The following MAGI2 variants were observed in gnomAD, a reference collection of about 807,000 sequenced individuals.
MAGI2 encodes membrane-associated guanylate kinase, WW and PDZ domain-containing protein 2.
Under a neutral mutation model 133.3 loss-of-function variants are expected in MAGI2, and 35 were observed. The ratio of observed to expected loss-of-function variants is 0.26; its 90% CI spans 0.20 to 0.35. MAGI2 has a LOEUF of 0.35. Among genes scored for constraint, MAGI2 ranks in the 10% least tolerant of loss-of-function variants. The probability of loss-of-function intolerance (pLI) is 1.00; values close to 1 mark genes in which losing one functional copy is unlikely to be tolerated. For synonymous variants in MAGI2, 729 were observed against 710.6 expected, an observed-to-expected ratio of 1.03 and a Z score of -0.41; for missense variants, 1,636 against 1,863.4, an observed-to-expected ratio of 0.88 and a Z score of 2.25.
chr7:79,158,230 CAT>C (rs1395038152), intron 1 of MAGI2, among the ~76,000 whole-genome samples: 3 of 151,828 alleles, frequency 2.0e-5, no homozygotes, highest in Admixed American at 6.6e-5. Context: ...AAAATCATAA[CAT>C]GTACTTCTAT....
chr7:79,018,004 A>C (rs1808908971), intron 1 of MAGI2, among the ~76,000 whole-genome samples: 1 of 152,182 alleles, frequency 6.6e-6, no homozygotes, highest in Non-Finnish European at 1.5e-5. Flanking sequence ...CAACTTGGAA[A>C]ACATATTTCA....
At chr7:78,166,435 C>T (rs563254173) in intron 15 of MAGI2, among the ~76,000 whole-genome samples, 28 of 152,224 alleles carry the variant, frequency 1.8e-4, no homozygotes, top group African/African-American at 6.7e-4. Context: ...GCATCTAGCC[C>T]AAGGATAAGG....
chr7:79,335,259 G>A (rs1301120714), intron 1 of MAGI2, among the ~76,000 whole-genome samples: 1 of 152,078 alleles, frequency 6.6e-6, no homozygotes, highest in Non-Finnish European at 1.5e-5. Flanking sequence ...GCAGAGCAGA[G>A]CGTTTAGGTT....
At position 78,246,759 on chromosome 7, in the gene MAGI2, G is replaced by T. The variant is rs577382321; in HGVS notation, c.2047+9184C>A. Among the ~76,000 whole-genome samples, 87 of 152,270 alleles carry T rather than the reference G, an allele frequency of 5.7e-4. 1 individual carries two copies. Among genetic ancestry groups the T allele is most frequent in the Non-Finnish European group, 1.0e-3 (69 of 68,028 alleles). ...CCACGATCTGACTTGACGCTATGTC[G>T]TATTGGCTCTGGTTCACAAATTGCA... On this transcript the variant is annotated intron_variant, in intron 10 of 21. Coordinates refer to ENST00000354212, the MANE Select transcript of MAGI2 (RefSeq NM_012301.4).
At chr7:79,291,432 A>G (rs1463441461) in intron 1 of MAGI2, among the ~76,000 whole-genome samples, 1 of 152,152 alleles carries the variant, frequency 6.6e-6, no homozygotes, top group Non-Finnish European at 1.5e-5. Flanking sequence ...TATATACCTA[A>G]GAGTGGAATT....
chr7:79,334,654 A>G (rs1341478627), intron 1 of MAGI2, among the ~76,000 whole-genome samples: 1 of 152,160 alleles, frequency 6.6e-6, no homozygotes, highest in Non-Finnish European at 1.5e-5. Flanking sequence ...GTAATGTTGT[A>G]TTACCATCTT....
chr7:78,101,806 A>G (rs1818231698), intron 20 of MAGI2, among the ~76,000 whole-genome samples: 1 of 152,206 alleles, frequency 6.6e-6, no homozygotes, highest in African/African-American at 2.4e-5. Context: ...GTGGCCCCTC[A>G]GAAAATTAGA....
chr7:79,052,357 T>C (rs1562834630), intron 1 of MAGI2, among the ~76,000 whole-genome samples: 4 of 152,142 alleles, frequency 2.6e-5, no homozygotes, highest in African/African-American at 4.8e-5. Flanking sequence ...TGTTCAAAAA[T>C]TGTTAAGAAT....
At chr7:78,667,231 C>T (rs1052730642) in intron 2 of MAGI2, among the ~76,000 whole-genome samples, 16 of 151,834 alleles carry the variant, frequency 1.1e-4, no homozygotes, top group Non-Finnish European at 1.6e-4. Context: ...CCTTTTATGT[C>T]CACACCCCTG....
intron 2 of MAGI2, among the ~76,000 whole-genome samples, chr7:78,959,519 C>T (rs1802673692): frequency 6.6e-6 from 1 of 152,080 alleles, no homozygotes; most frequent in Non-Finnish European, 1.5e-5. Context: ...CACTACCTGT[C>T]AATGAGTGTT....
chr7:78,497,563 A>T (rs1179113860), intron 5 of MAGI2, among the ~76,000 whole-genome samples: 1 of 152,200 alleles, frequency 6.6e-6, no homozygotes, highest in Non-Finnish European at 1.5e-5. Context: ...AATATCACAT[A>T]AACCAATAAA....
At chr7:78,081,457 T>C (rs1013901699) in intron 20 of MAGI2, among the ~76,000 whole-genome samples, 8 of 152,108 alleles carry the variant, frequency 5.3e-5, no homozygotes, top group African/African-American at 1.9e-4. Context: ...CACAAAGTAC[T>C]AAGGGCACAG....
At chr7:79,134,684 T>C (rs1821218252) in intron 1 of MAGI2, among the ~76,000 whole-genome samples, 1 of 152,228 alleles carries the variant, frequency 6.6e-6, no homozygotes, top group South Asian at 2.1e-4. Flanking sequence ...TGTTCTAATA[T>C]TGTCAAATTG....
chr7:79,053,942 A>T (rs747839619), intron 1 of MAGI2, among the ~76,000 whole-genome samples: 1 of 152,208 alleles, frequency 6.6e-6, no homozygotes, highest in Non-Finnish European at 1.5e-5. Context: ...CACACCTGTA[A>T]TCCCAGCACT....
At chr7:78,231,247 A>T (rs1789937930) in intron 10 of MAGI2, among the ~76,000 whole-genome samples, 1 of 152,198 alleles carries the variant, frequency 6.6e-6, no homozygotes, top group African/African-American at 2.4e-5. Context: ...AGCAGAAAGA[A>T]AAGATCTGAG....
intron 11 of MAGI2, among the ~76,000 whole-genome samples, chr7:78,196,714 G>T (rs563709636): frequency 6.6e-6 from 1 of 152,210 alleles, no homozygotes; most frequent in African/African-American, 2.4e-5. Flanking sequence ...AGGGGTTCAT[G>T]TTGAGCCAGC....
At chr7:78,085,045 G>T (rs1021106229) in intron 20 of MAGI2, among the ~76,000 whole-genome samples, 1 of 152,176 alleles carries the variant, frequency 6.6e-6, no homozygotes, top group African/African-American at 2.4e-5. Flanking sequence ...GTTAGGCTCA[G>T]TTGCCTCAGC....
chr7:78,140,702 C>T (rs1822657720), intron 16 of MAGI2, among the ~76,000 whole-genome samples: 1 of 152,104 alleles, frequency 6.6e-6, no homozygotes, highest in Admixed American at 6.6e-5. Flanking sequence ...GTGAAAATTA[C>T]CTTCTGTCTA....
At chr7:79,224,763 G>A (rs981095876) in intron 1 of MAGI2, among the ~76,000 whole-genome samples, 2 of 152,130 alleles carry the variant, frequency 1.3e-5, no homozygotes, top group Non-Finnish European at 2.9e-5. Flanking sequence ...ACTTGGAAAA[G>A]GCGAAATTGT....
Sources: allele counts gnomAD v4.1 joint callset (sites outside exome capture counted in the v4.1 genomes callset), GRCh38; gene constraint gnomAD v4.1.1; transcripts MANE v1.5; gene names NCBI Gene and HGNC (gene_info 2026-07-23, HGNC 2026-07-21).